LMF1: variants seen among roughly 807,000 people sequenced by gnomAD.
LMF1 encodes the protein lipase maturation factor 1.
A neutral mutation model predicts 60.6 loss-of-function variants in LMF1; 68 were observed. The ratio of observed to expected loss-of-function variants is 1.12; its 90% CI spans 0.92 to 1.37. The LOEUF (loss-of-function observed/expected upper bound fraction) is 1.37, where lower values mean the gene tolerates loss of function less well. LMF1 is among the 40% of genes most tolerant of loss of function. The pLI is 0.00. For missense variants in LMF1, 948 were observed against 767.2 expected (o/e 1.24, Z -2.78); for synonymous variants, 418 against 324.7 (o/e 1.29, Z -3.09).
chr16:978,184 C>T (rs2040470154), intron 1 of LMF1, among the ~76,000 whole-genome samples: 1 of 148,452 alleles, frequency 6.7e-6, no homozygotes, highest in Non-Finnish European at 1.5e-5. Flanking sequence ...ATACACGCAC[C>T]CCACACACAT....
intron 2 of LMF1, among the ~76,000 whole-genome samples, chr16:946,301 G>A (rs568522225): frequency 3.3e-4 from 50 of 152,346 alleles, no homozygotes; most frequent in Non-Finnish European, 5.7e-4. Flanking sequence ...AGCCACTTGT[G>A]TGCTTTCCGA....
intron 10 of LMF1, among the ~76,000 whole-genome samples, chr16:860,772 A>C (rs2069439517): frequency 1.3e-5 from 2 of 151,682 alleles, no homozygotes; most frequent in Admixed American, 6.6e-5. Flanking sequence ...TGTAAAAAAA[A>C]CTCATCCGGG....
At chr16:890,938 C>T (rs2070467610) in intron 5 of LMF1, among the ~76,000 whole-genome samples, 1 of 152,192 alleles carries the variant, frequency 6.6e-6, no homozygotes, top group African/African-American at 2.4e-5. Context: ...CCTGTGTGCT[C>T]CAGGCCGGGC....
intron 3 of LMF1, among the ~76,000 whole-genome samples, chr16:916,427 TA>T (rs1415679284): frequency 6.6e-6 from 1 of 152,204 alleles, no homozygotes; most frequent in Non-Finnish European, 1.5e-5. Context: ...TGGGAGCTTT[TA>T]AAAGTTTCCT....
At chr16:949,873 G>A (rs1398724053) in intron 2 of LMF1, among the ~76,000 whole-genome samples, 1 of 101,206 alleles carries the variant, frequency 9.9e-6, no homozygotes, top group East Asian at 2.8e-4. Context: ...CAAGGACAGC[G>A]TCAGCCAACG....
chr16:926,432 T>A (rs2071605889), intron 3 of LMF1, among the ~76,000 whole-genome samples: 1 of 152,184 alleles, frequency 6.6e-6, no homozygotes, highest in South Asian at 2.1e-4. Flanking sequence ...TGTATGTCCA[T>A]GTGTGCTCGT....
intron 6 of LMF1, chr16:873,842 A>G (rs126679): frequency 0.48 from 73,154 of 152,396 alleles, 17,640 homozygotes; most frequent in Middle Eastern, 0.54. Context: ...CCAGAGCCCT[A>G]TGCCTGACCC....
chr16:868,801 C>T, intron 10 of LMF1, 143 bp downstream of exon 10: 1 of 608,484 alleles, frequency 1.6e-6, no homozygotes, highest in East Asian at 2.8e-5. Flanking sequence ...CTTTTTGCTC[C>T]CAGCAGGCCC....
At chr16:931,271 C>T (rs1009767304) in intron 3 of LMF1, among the ~76,000 whole-genome samples, 7 of 152,354 alleles carry the variant, frequency 4.6e-5, no homozygotes, top group Middle Eastern at 3.4e-3. Context: ...GCCCAGTGGC[C>T]GGGCTGGGTG....
intron 6 of LMF1, 30 bp downstream of exon 6, chr16:879,540 C>A: frequency 6.2e-7 from 1 of 1,608,176 alleles, no homozygotes; most frequent in Non-Finnish European, 8.5e-7. Flanking sequence ...TCTCTGTGGA[C>A]ACGGGGCAGG....
intron 3 of LMF1, among the ~76,000 whole-genome samples, chr16:915,927 G>A (rs899102410): frequency 2.6e-5 from 4 of 152,176 alleles, no homozygotes; most frequent in African/African-American, 7.2e-5. Flanking sequence ...AGCTGGGGCA[G>A]GTGACACCCA....
chr16:976,567 T>C, intron 1 of LMF1: 1 of 454,018 alleles, frequency 2.2e-6, no homozygotes. Context: ...TGCCTAGGGA[T>C]GTTTTGGGGC....
At chr16:917,746 C>G (rs2071322149) in intron 3 of LMF1, among the ~76,000 whole-genome samples, 1 of 152,220 alleles carries the variant, frequency 6.6e-6, no homozygotes, top group Admixed American at 6.5e-5. Flanking sequence ...TCCCAGGGGA[C>G]AGGAGTACTG....
chr16:970,494 C>A (rs1270502758), intron 1 of LMF1, among the ~76,000 whole-genome samples: 1 of 152,204 alleles, frequency 6.6e-6, no homozygotes, highest in Non-Finnish European at 1.5e-5. Context: ...CTCGCATAGC[C>A]CCGAGCCGGT....
chr16:893,080 G>A lies in LMF1; in HGVS notation c.664-8C>T, dbSNP rs2151731461. ...CCGGATCTTGATCAGGCCCTGCAAG[G>A]AAGAGAGCAGAGGGAGAGTCAGTCA... On this transcript the variant is annotated splice_region_variant and splice_polypyrimidine_tract_variant and intron_variant, in intron 4 of 10. Transcript: ENST00000262301. 1 of 1,553,074 alleles carries A rather than the reference G, an allele frequency of 6.4e-7. No homozygotes were observed. Among genetic ancestry groups the A allele is most frequent in the East Asian group, 2.4e-5 (1 of 41,094 alleles).
intron 3 of LMF1, among the ~76,000 whole-genome samples, chr16:918,962 C>T (rs189699597): frequency 1.3e-5 from 2 of 152,270 alleles, no homozygotes; most frequent in East Asian, 1.9e-4. Flanking sequence ...TCCCGAGTAG[C>T]GGTGGGACGA....
At chr16:918,551 T>C (rs1405176669) in intron 3 of LMF1, among the ~76,000 whole-genome samples, 1 of 152,144 alleles carries the variant, frequency 6.6e-6, no homozygotes, top group Non-Finnish European at 1.5e-5. Flanking sequence ...GTCCCGGGCA[T>C]GAAAAATGGC....
At chr16:900,355 G>A (rs1180010099) in intron 4 of LMF1, 1 of 152,252 alleles carries the variant, frequency 6.6e-6, no homozygotes, top group Non-Finnish European at 1.5e-5. Context: ...TGCACACAAG[G>A]AGCATCAGAA....
chr16:907,006 C>T (rs2070988894), intron 4 of LMF1, among the ~76,000 whole-genome samples: 1 of 152,202 alleles, frequency 6.6e-6, no homozygotes, highest in Non-Finnish European at 1.5e-5. Flanking sequence ...GGCATACAGG[C>T]TGCATTTCTT....
Sources: allele counts gnomAD v4.1 joint callset (sites outside exome capture counted in the v4.1 genomes callset), GRCh38; gene constraint gnomAD v4.1.1; transcripts MANE v1.5; gene names NCBI Gene and HGNC (gene_info 2026-07-23, HGNC 2026-07-21).